RPS6KA2: variants seen among roughly 807,000 people sequenced by gnomAD.
The protein encoded by RPS6KA2 is ribosomal protein S6 kinase A2.
In RPS6KA2, 42 loss-of-function variants were observed where a neutral mutation model predicts 91.8. The observed-to-expected ratio is 0.46, with a 90% CI of 0.36 to 0.59. The LOEUF (loss-of-function observed/expected upper bound fraction) is 0.59. Ranked by LOEUF, RPS6KA2 falls within the 20% of genes least tolerant of loss-of-function variation. The pLI, the probability that RPS6KA2 is intolerant of heterozygous loss-of-function variation, is 0.00. For missense variants in RPS6KA2, 798 were observed against 978.5 expected (o/e 0.82, Z 2.46); for synonymous variants, 414 against 393.6 (o/e 1.05, Z -0.61).
At chr6:166,697,584 C>G (rs1438365798) in intron 2 of RPS6KA2, among the ~76,000 whole-genome samples, 2 of 152,184 alleles carry the variant, frequency 1.3e-5, no homozygotes, top group Admixed American at 1.3e-4. Context: ...GAACCACACC[C>G]TAAAAGATGG....
intron 1 of RPS6KA2, among the ~76,000 whole-genome samples, chr6:166,567,696 T>G (rs1451264423): frequency 6.6e-6 from 1 of 152,170 alleles, no homozygotes; most frequent in Non-Finnish European, 1.5e-5. Flanking sequence ...CGAACAGAGC[T>G]GGGATTGAGA....
intron 2 of RPS6KA2, among the ~76,000 whole-genome samples, chr6:166,738,667 A>G (rs1043469945): frequency 6.6e-6 from 1 of 152,246 alleles, no homozygotes; most frequent in African/African-American, 2.4e-5. Context: ...ATGGGAAGAA[A>G]GAGAATATGG....
At chr6:166,471,981 C>T (rs1780788973) in intron 10 of RPS6KA2, among the ~76,000 whole-genome samples, 1 of 152,250 alleles carries the variant, frequency 6.6e-6, no homozygotes, top group Non-Finnish European at 1.5e-5. Flanking sequence ...TCCAGAGCGA[C>T]AGTCTGACTT....
intron 1 of RPS6KA2, among the ~76,000 whole-genome samples, chr6:166,559,827 C>A (rs1042076993): frequency 2.6e-5 from 4 of 152,114 alleles, no homozygotes; most frequent in Non-Finnish European, 5.9e-5. Context: ...AGATATATTA[C>A]AAGAAAGTCA....
chr6:166,524,376 A>G (rs2128489098), intron 3 of RPS6KA2, among the ~76,000 whole-genome samples: 1 of 151,778 alleles, frequency 6.6e-6, no homozygotes. Context: ...CACTGCGGAG[A>G]GCGCCTACCG....
At chr6:166,586,211 G>T (rs1483385017) in intron 1 of RPS6KA2, 24 of 1,589,764 alleles carry the variant, frequency 1.5e-5, no homozygotes, top group East Asian at 4.5e-5. Flanking sequence ...GCGGGTAGTT[G>T]TTACCCCAGG....
At chr6:166,462,952 T>G (rs760486845) in intron 11 of RPS6KA2, 9 of 152,268 alleles carry the variant, frequency 5.9e-5, no homozygotes, top group Non-Finnish European at 1.2e-4. Flanking sequence ...GAACACAGCC[T>G]GTTCACTGGG....
intron 2 of RPS6KA2, among the ~76,000 whole-genome samples, chr6:166,829,088 G>C (rs1252185278): frequency 6.6e-6 from 1 of 152,108 alleles, no homozygotes; most frequent in African/African-American, 2.4e-5. Flanking sequence ...ACGGAGAAAC[G>C]CTCAACATCA....
intron 2 of RPS6KA2, among the ~76,000 whole-genome samples, chr6:166,705,079 C>T (rs1280868422): frequency 1.3e-5 from 2 of 152,180 alleles, no homozygotes; most frequent in East Asian, 3.8e-4. Context: ...TTCTTCTGAG[C>T]TCCAGGTCCC....
At chr6:166,754,382 G>A (rs1777935619) in intron 2 of RPS6KA2, among the ~76,000 whole-genome samples, 1 of 152,208 alleles carries the variant, frequency 6.6e-6, no homozygotes, top group African/African-American at 2.4e-5. Context: ...AGGCAGAGGG[G>A]TGCAGGAACG....
chr6:166,693,852 G>A (rs988316207), intron 2 of RPS6KA2, among the ~76,000 whole-genome samples: 3 of 152,170 alleles, frequency 2.0e-5, no homozygotes, highest in Non-Finnish European at 1.5e-5. Context: ...ACCAAGCTTA[G>A]ACACACCCCT....
At chr6:166,552,778 C>T (rs777424636) in intron 1 of RPS6KA2, among the ~76,000 whole-genome samples, 1 of 152,142 alleles carries the variant, frequency 6.6e-6, no homozygotes, top group Non-Finnish European at 1.5e-5. Flanking sequence ...ATGCTATTTC[C>T]GAATTGCTAA....
chr6:166,466,798 G>A (rs914073021), intron 11 of RPS6KA2, among the ~76,000 whole-genome samples: 5 of 151,888 alleles, frequency 3.3e-5, no homozygotes, highest in East Asian at 1.9e-4. Context: ...TCATTTGCTC[G>A]TTCACTCACT....
intron 6 of RPS6KA2, among the ~76,000 whole-genome samples, chr6:166,503,583 G>A (rs1301595881): frequency 2.0e-5 from 3 of 152,154 alleles, no homozygotes; most frequent in Non-Finnish European, 2.9e-5. Context: ...CTCATCTAGG[G>A]GCGGCTATGG....
intron 2 of RPS6KA2, among the ~76,000 whole-genome samples, chr6:166,750,100 G>A (rs1296222300): frequency 6.6e-6 from 1 of 152,176 alleles, no homozygotes; most frequent in African/African-American, 2.4e-5. Context: ...GTGCCCCTGA[G>A]GTGCCCATGC....
At chr6:166,515,560 C>G (rs907160467) in intron 3 of RPS6KA2, among the ~76,000 whole-genome samples, 8 of 152,218 alleles carry the variant, frequency 5.3e-5, no homozygotes, top group Admixed American at 5.2e-4. Flanking sequence ...AATCTCATAT[C>G]AGCATCGGCG....
chr6:166,559,458 A>G (rs1234758843), intron 1 of RPS6KA2, among the ~76,000 whole-genome samples: 2 of 152,194 alleles, frequency 1.3e-5, no homozygotes, highest in Non-Finnish European at 2.9e-5. Flanking sequence ...GCCAAGCCAA[A>G]TGAGGCAGAA....
intron 14 of RPS6KA2, among the ~76,000 whole-genome samples, chr6:166,444,354 T>C (rs1362068655): frequency 6.6e-6 from 1 of 152,204 alleles, no homozygotes; most frequent in Non-Finnish European, 1.5e-5. Flanking sequence ...TTTGAAGCCC[T>C]ATACAACTTC....
chr6:166,490,727 C>T lies in RPS6KA2; in HGVS notation c.762G>A (p.Thr254=), dbSNP rs149760397. 3.3e-5 allele frequency: 53 copies of T among 1,612,458 alleles called. No individual in the cohort carries two copies. Among genetic ancestry groups the T allele is most frequent in the Middle Eastern group, 1.6e-4 (1 of 6,084 alleles). The change falls in exon 9 of 21, where the codon ACG becomes ACA. Residue 254 remains threonine, a synonymous_variant. Coordinates refer to ENST00000265678, the MANE Select transcript of RPS6KA2 (RefSeq NM_021135.6). This position sits in a 1 kb window ranked among gnomAD's most constrained non-coding sequence, Gnocchi z 4.2. ...SFGVLMFEML[T]GSLPFQGKDR... ...CCTTCCCCTGGAACGGCAGGGACCC[C>T]GTGAGCATCTCAAACTGCAGAGCAA...
Sources: gnomAD v4.1 joint callset for allele counts (sites outside exome capture counted in the v4.1 genomes callset) on GRCh38, gnomAD v4.1.1 for gene constraint, Gnocchi (gnomAD v3.1) non-coding constraint, MANE v1.5 for transcripts, NCBI Gene and HGNC (gene_info 2026-07-23, HGNC 2026-07-21) for gene names.